The following NTRK1 variants were observed in gnomAD, a reference collection of about 807,000 sequenced individuals.
NTRK1 encodes the protein high affinity nerve growth factor receptor.
A neutral mutation model predicts 86.8 loss-of-function variants in NTRK1; 62 were observed. The ratio of observed to expected loss-of-function variants is 0.71; its 90% CI spans 0.58 to 0.88. NTRK1 has a LOEUF of 0.88. Ranked by LOEUF, NTRK1 falls within the 40% of genes least tolerant of loss-of-function variation. The probability of loss-of-function intolerance (pLI) is 0.00; values close to 1 mark genes in which losing one functional copy is unlikely to be tolerated. For missense variants in NTRK1, 967 were observed against 1,078.4 expected, an observed-to-expected ratio of 0.90 and a Z score of 1.45; for synonymous variants, 469 against 456.6, an observed-to-expected ratio of 1.03 and a Z score of -0.35.
intron 1 of NTRK1, among the ~76,000 whole-genome samples, chr1:156,839,422 T>C (rs1415276548): frequency 6.6e-6 from 1 of 152,260 alleles, no homozygotes; most frequent in South Asian, 2.1e-4. Flanking sequence ...TCGTCAAGGT[T>C]TGAAGTCATT....
intron 2 of NTRK1, chr1:156,849,513 G>GGGGGGGGGGGGGGC: frequency 1.6e-5 from 8 of 486,118 alleles, no homozygotes; most frequent in East Asian, 5.4e-5. Flanking sequence ...CAGGGGGTGG[G>GGGGGGGGGGGGGGC]AAAGGGGATG....
At chr1:156,856,861 C>T (rs184872064), upstream of NTRK1, among the ~76,000 whole-genome samples, 1 of 152,262 alleles carries the variant, frequency 6.6e-6, no homozygotes, top group Non-Finnish European at 1.5e-5. Context: ...TTCCCTTTCT[C>T]TCCCTGGACT....
In NTRK1 at chr1:156,880,057, G is replaced by T. The variant is rs200022271; in HGVS notation, c.2105G>T (p.Arg702Leu). ...RWMPPESILY[R>L]KFTTESDVWS... Reference sequence around the variant, plus strand: ...ATGCCGCCCGAGAGCATCCTGTACCGTAAGTTCACCACCGAGAGCGACGTG... The same window carrying T: ...ATGCCGCCCGAGAGCATCCTGTACCTTAAGTTCACCACCGAGAGCGACGTG... Residue 702 changes from arginine (R) to leucine (L), a missense_variant, in exon 16 of 17, where the codon CGT (arginine) becomes CTT (leucine). Physicochemically the swap from Arg to Leu is moderately radical, Grantham distance 102. Coordinates refer to ENST00000524377, the MANE Select transcript of NTRK1 (RefSeq NM_002529.4). 2 of 1,607,752 alleles carry T rather than the reference G, an allele frequency of 1.2e-6. No individual in the cohort carries two copies. Among genetic ancestry groups the T allele is most frequent in the African/African-American group, 1.4e-5 (1 of 72,852 alleles).
intron 1 of NTRK1, chr1:156,841,231 G>T: frequency 2.1e-6 from 2 of 956,008 alleles, no homozygotes; most frequent in Non-Finnish European, 1.6e-6. Context: ...GGTGAGAAGG[G>T]ATTAAATGGG....
chr1:156,854,137 C>T lies in NTRK1; in HGVS notation c.51-10217C>T. On this transcript the variant is annotated intron_variant, in intron 2 of 16. Transcript: ENST00000392302. This position sits in a 1 kb window ranked among gnomAD's most constrained non-coding sequence, Gnocchi z 4.2. ...TCTCCAGTCCGTAGACACGGAAGAG[C>T]AGCAGGTAGTCGGTGACCTGGGTGA... is the stretch of plus-strand genomic sequence containing the variant. 6.2e-7 allele frequency: 1 copy of T among 1,614,172 alleles called. No homozygotes were observed. Among genetic ancestry groups the T allele is most frequent in the Non-Finnish European group, 8.5e-7 (1 of 1,180,046 alleles).
At chr1:156,867,675 T>C (rs561707679) in intron 4 of NTRK1, among the ~76,000 whole-genome samples, 1 of 151,546 alleles carries the variant, frequency 6.6e-6, no homozygotes, top group East Asian at 1.9e-4. Flanking sequence ...TCTTTTCTTT[T>C]TTTTTTTTTA....
rs756862919 is a variant in NTRK1 at position 156,842,169 on chromosome 1, G to C, written c.26G>C (p.Arg9Pro). ...ATGCAGTTGCGGGCTGCTAGATCTC[G>C]GTGCACAAACTTGTTGGCAGCAAGG... Residue 9 changes from arginine to proline, a missense_variant, in exon 2 of 17, where the codon CGG becomes CCG. Coordinates refer to the NTRK1 transcript ENST00000392302. 29 of 1,613,982 alleles carry C rather than the reference G, an allele frequency of 1.8e-5. 2 individuals are homozygous for C. The South Asian group carries it at 3.2e-4, about 18-fold the overall frequency.
chr1:156,846,762 A>G, intron 2 of NTRK1: 2 of 1,610,924 alleles, frequency 1.2e-6, no homozygotes, highest in Non-Finnish European at 8.5e-7. Context: ...AATGGGCTGA[A>G]CACCCATCCC....
At chr1:156,841,568 T>A in intron 1 of NTRK1, 1 of 1,612,824 alleles carries the variant, frequency 6.2e-7, no homozygotes, top group Non-Finnish European at 8.5e-7. Flanking sequence ...GCACCCTTCG[T>A]GCTACTCAGT....
At chr1:156,858,590 G>A, upstream of NTRK1, 1 of 1,614,082 alleles carries the variant, frequency 6.2e-7, no homozygotes, top group Non-Finnish European at 8.5e-7. Context: ...AGGCAGGCAT[G>A]CTCCCCAGGG....
chr1:156,863,560 T>C (rs2102883655), intron 1 of NTRK1, among the ~76,000 whole-genome samples: 1 of 152,218 alleles, frequency 6.6e-6, no homozygotes, highest in Admixed American at 6.5e-5. Context: ...GTAAGACTCT[T>C]GCTTGATCTG....
intron 2 of NTRK1, chr1:156,851,216 C>G (rs1655191765): frequency 6.3e-7 from 1 of 1,582,752 alleles, no homozygotes; most frequent in Non-Finnish European, 8.7e-7. Flanking sequence ...AGAGCCCATT[C>G]TCTTCACCAC....
chr1:156,870,869 C>G (rs535989091), intron 6 of NTRK1, among the ~76,000 whole-genome samples: 3 of 152,346 alleles, frequency 2.0e-5, no homozygotes, highest in Non-Finnish European at 4.4e-5. Context: ...GACAAATCCA[C>G]GGTTTCCTAG....
In NTRK1 at chr1:156,868,090, C is replaced by T. The variant is rs775316185; in HGVS notation, c.429-14C>T. The T allele has an allele frequency of 1.3e-5, 21 of 1,613,742 alleles. No individual in the cohort carries two copies. The highest frequency in any genetic ancestry group is 1.8e-5 in the Non-Finnish European group (21 of 1,180,024). ...CCTTTCCTTGACTCTGTTGGTGTCCCCCATGCCCCCCAGGGTCCTGTCGGG... is the reference window on the plus strand; with the variant it reads ...CCTTTCCTTGACTCTGTTGGTGTCCTCCATGCCCCCCAGGGTCCTGTCGGG... On this transcript the variant is annotated splice_polypyrimidine_tract_variant and intron_variant, in intron 4 of 16. Transcript: ENST00000524377.
upstream of NTRK1, among the ~76,000 whole-genome samples, chr1:156,857,190 T>C (rs1474880408): frequency 7.6e-6 from 1 of 131,368 alleles, no homozygotes; most frequent in East Asian, 2.3e-4. Context: ...TGTGTGTGTG[T>C]GTGTGTGTGT....
At chr1:156,874,035 T>C (rs2102906961) in intron 8 of NTRK1, 76 bp downstream of exon 8, 1 of 1,440,572 alleles carries the variant, frequency 6.9e-7, no homozygotes, top group East Asian at 2.5e-5. Flanking sequence ...GCTATAGCCC[T>C]GACCCCAGAA....
At chr1:156,858,164 T>C (rs1655476637), upstream of NTRK1, among the ~76,000 whole-genome samples, 1 of 152,184 alleles carries the variant, frequency 6.6e-6, no homozygotes, top group African/African-American at 2.4e-5. Flanking sequence ...TAATGGTGCC[T>C]GGTTCTCAGC....
intron 2 of NTRK1, chr1:156,851,769 C>G: frequency 6.2e-7 from 1 of 1,611,082 alleles, no homozygotes; most frequent in South Asian, 1.1e-5. Flanking sequence ...CACAGCCCCT[C>G]GCACTTGTGG....
upstream of NTRK1, among the ~76,000 whole-genome samples, chr1:156,859,692 G>C (rs1182551925): frequency 6.6e-6 from 1 of 152,122 alleles, no homozygotes; most frequent in African/African-American, 2.4e-5. The surrounding 1 kb of genome is among the most constrained non-coding windows in gnomAD (Gnocchi z 6.2). Context: ...CTTGAGCTCA[G>C]GCTGCTCGGT....
Sources: allele counts gnomAD v4.1 joint callset (sites outside exome capture counted in the v4.1 genomes callset), GRCh38; gene constraint gnomAD v4.1.1; non-coding constraint Gnocchi (gnomAD v3.1); transcripts MANE v1.5; gene names NCBI Gene and HGNC (gene_info 2026-07-23, HGNC 2026-07-21).